TSPAN6: variants seen among roughly 807,000 people sequenced by gnomAD.
The protein encoded by TSPAN6 is tetraspanin 6.
A neutral mutation model predicts 18.0 loss-of-function variants in TSPAN6; 13 were observed. That is an observed-to-expected ratio of 0.72 (90% CI 0.47 to 1.15). TSPAN6 has a LOEUF of 1.15. Ranked by LOEUF, TSPAN6 falls within the 50% of genes most tolerant of loss-of-function variation. The probability of loss-of-function intolerance (pLI) is 0.00; values close to 1 mark genes in which losing one functional copy is unlikely to be tolerated. For synonymous variants in TSPAN6, 82 were observed against 67.0 expected, an observed-to-expected ratio of 1.22 and a Z score of -1.09; for missense variants, 186 against 183.9, an observed-to-expected ratio of 1.01 and a Z score of -0.07.
Position 100,627,275 on chromosome X carries a change from G to A in TSPAN6, c.*2751C>T, listed in dbSNP as rs1036954146. Reference sequence around the variant, plus strand: ...CCTTGCAGTGAGCAACCTGGTGCCTGGAAATAAGGCAACCCACATCAATTT... The same window carrying A: ...CCTTGCAGTGAGCAACCTGGTGCCTAGAAATAAGGCAACCCACATCAATTT... On this transcript the variant is annotated 3_prime_UTR_variant, in exon 8 of 8. Coordinates refer to ENST00000373020, the MANE Select transcript of TSPAN6 (RefSeq NM_003270.4). The A allele has an allele frequency of 8.9e-6, 1 of 111,804 alleles. No homozygotes were observed. The highest frequency in any genetic ancestry group is 1.9e-5 in the Non-Finnish European group (1 of 53,170). 9.2% of individuals were successfully genotyped at this position (111,804 alleles called of 1,213,427 possible).
At position 100,635,710 on chromosome X, in the gene TSPAN6, C is replaced by G. The variant is rs765168830; in HGVS notation, c.124G>C (p.Gly42Arg). ...GVILLAVGIW[G>R]KVSLENYFSL... is the part of the protein sequence containing the mutation. ...AAGTAATTCTCCAGGCTCACCTTGC[C>G]CCAAATGCCAACTGCAAGAAGGATA... Residue 42 changes from glycine to arginine, a missense_variant, in exon 2 of 8, where the codon GGC becomes CGC. Transcript: ENST00000373020. 4 of 1,182,495 alleles carry G rather than the reference C, an allele frequency of 3.4e-6. No individual in the cohort carries two copies. The South Asian group carries it at 7.6e-5, about 23-fold the overall frequency.
At chrX:100,636,830 A>C, upstream of TSPAN6, 2 of 672,412 alleles carry the variant, frequency 3.0e-6, no homozygotes, top group Non-Finnish European at 2.1e-6. Context: ...AACACTGTAC[A>C]ATTTTGTAGA....
Position 100,636,704 on chromosome X carries a change from G to C in TSPAN6, c.-10C>G. 1.7e-6 allele frequency: 2 copies of C among 1,197,683 alleles called. No individual in the cohort carries two copies. Among genetic ancestry groups the C allele is most frequent in the Non-Finnish European group, 1.1e-6 (1 of 888,572 alleles). ...GAGACGGGGACGCCATGACTAGCCC[G>C]AGACCCTGCACCACCGCACCGGGCG... On this transcript the variant is annotated 5_prime_UTR_variant, in exon 1 of 8. Coordinates refer to ENST00000373020, the MANE Select transcript of TSPAN6 (RefSeq NM_003270.4).
In TSPAN6 at chrX:100,635,541, T is replaced by A; in HGVS notation, c.276+17A>T. The A allele has an allele frequency of 8.6e-7, 1 of 1,156,461 alleles. No homozygotes were observed. Among genetic ancestry groups the A allele is most frequent in the Non-Finnish European group, 1.2e-6 (1 of 865,588 alleles). Reference sequence around the variant, plus strand: ...TTCTAAAACCAAGAATCAATTCTAATGAAAACAAGGACTCACCAGTTTTAG... The same window carrying A: ...TTCTAAAACCAAGAATCAATTCTAAAGAAAACAAGGACTCACCAGTTTTAG... On this transcript the variant is annotated intron_variant, in intron 2 of 7. Coordinates refer to ENST00000373020, the MANE Select transcript of TSPAN6 (RefSeq NM_003270.4).
chrX:100,630,035 A>C (rs2083048395), intron 7 of TSPAN6, 49 bp from the exon 8 acceptor site: 4 of 689,939 alleles, frequency 5.8e-6, no homozygotes, highest in Non-Finnish European at 6.9e-6. Flanking sequence ...AAATTTCAAC[A>C]TCTGTATTTG....
intron 5 of TSPAN6, 36 bp from the exon 6 acceptor site, chrX:100,632,604 A>G: frequency 1.0e-6 from 1 of 975,969 alleles, no homozygotes; most frequent in Non-Finnish European, 1.4e-6. Context: ...TAAATACAGC[A>G]CAAGCAGCCT....
intron 5 of TSPAN6, among the ~76,000 whole-genome samples, chrX:100,633,040 C>T (rs2083070607): frequency 8.9e-6 from 1 of 112,213 alleles, no homozygotes; most frequent in Non-Finnish European, 1.9e-5. Flanking sequence ...AAAAACTGGC[C>T]AGGTGCAGTG....
chrX:100,635,127 A>C (rs1203954271), intron 3 of TSPAN6, 51 bp downstream of exon 3: 26 of 969,210 alleles, frequency 2.7e-5, no homozygotes, highest in Non-Finnish European at 3.6e-5. Context: ...ATCCATTTTT[A>C]TCTCTCAGAG....
chrX:100,632,533 T>C lies in TSPAN6; in HGVS notation c.621A>G (p.Ser207=). ...AAATTCCTGCAACGACTCCCATTTCTGACTCTATAATGGTCATCACCTTTA... is the reference window on the plus strand; with the variant it reads ...AAATTCCTGCAACGACTCCCATTTCCGACTCTATAATGGTCATCACCTTTA... ...CFIKVMTIIE[S]EMGVVAGISF... The change falls in exon 6 of 8, where the codon TCA becomes TCG. Residue 207 remains serine (S), a synonymous_variant. Transcript: ENST00000373020. The C allele has an allele frequency of 8.3e-7, 1 of 1,209,777 alleles. No homozygotes were observed. Among genetic ancestry groups the C allele is most frequent in the South Asian group, 1.8e-5 (1 of 56,632 alleles).
Position 100,636,364 on chromosome X carries a change from G to C in TSPAN6, c.87+244C>G, listed in dbSNP as rs969493229. 4 of 955,970 alleles carry C rather than the reference G, an allele frequency of 4.2e-6. No homozygotes were observed. In the African/African-American group the frequency reaches 8.1e-5, roughly 19 times the overall value. The allele number at this position is 955,970 out of a possible 1,213,427, so 78.8% of individuals were successfully genotyped here. A position where few individuals can be genotyped will look rare whatever the true frequency, so the allele number is the denominator to read the frequency against. On this transcript the variant is annotated intron_variant, in intron 1 of 7. Transcript: ENST00000373020. ...CCTCCCGTATCGAACTCGAACGCTG[G>C]TACGTCTGGGTCCCAGCTCAGCCTC...
rs2083085118 is a variant in TSPAN6, at chrX:100,635,051, T to C, written c.351+127A>G. 1.0e-5 allele frequency: 5 copies of C among 480,314 alleles called. No individual in the cohort carries two copies. In the South Asian group the frequency reaches 2.7e-4, roughly 26 times the overall value. 39.6% of individuals were successfully genotyped at this position (480,314 alleles called of 1,213,427 possible). On this transcript the variant is annotated intron_variant, in intron 3 of 7. Coordinates refer to ENST00000373020, the MANE Select transcript of TSPAN6 (RefSeq NM_003270.4). ...TAAATTAGAAGTGGACCAGAATTTT[T>C]ACAAGAAGGCCATTATTGTCAGCTA...
At position 100,636,792 on chromosome X, in the gene TSPAN6, C is replaced by G; in HGVS notation, c.-98G>C. On this transcript the variant is annotated 5_prime_UTR_variant, in exon 1 of 8. Transcript: ENST00000373020. ...CTCCCCGGAAACTGCCGAAAACTTA[C>G]GAGCGTCCACAACTGAGAAGGGCCG... is the stretch of plus-strand genomic sequence containing the variant. The G allele has an allele frequency of 1.1e-6, 1 of 937,752 alleles. No homozygotes were observed. The highest frequency in any genetic ancestry group is 1.4e-6 in the Non-Finnish European group (1 of 698,450). 77.3% of individuals were successfully genotyped at this position (937,752 alleles called of 1,213,427 possible).
In TSPAN6 at chrX:100,633,991, C is replaced by G; in HGVS notation, c.390G>C (p.Leu130Phe). Reference sequence around the variant, plus strand: ...AATCTCCTGTAGAGTTATACTGCTTCAAAGCCTTCTCATAATTATTCTTAA... The same window carrying G: ...AATCTCCTGTAGAGTTATACTGCTTGAAAGCCTTCTCATAATTATTCTTAA... ...NSFKNNYEKA[L>F]KQYNSTGDYR... Residue 130 changes from leucine (L) to phenylalanine (F), a missense_variant, in exon 4 of 8, where the codon TTG (leucine) becomes TTC (phenylalanine). Transcript: ENST00000373020. 1 of 1,200,860 alleles carries G rather than the reference C, an allele frequency of 8.3e-7. No homozygotes were observed. Among genetic ancestry groups the G allele is most frequent in the Non-Finnish European group, 1.1e-6 (1 of 887,516 alleles).
chrX:100,627,697 C>T lies in TSPAN6; in HGVS notation c.*2329G>A, dbSNP rs1474866463. On this transcript the variant is annotated 3_prime_UTR_variant, in exon 8 of 8. Coordinates refer to ENST00000373020, the MANE Select transcript of TSPAN6 (RefSeq NM_003270.4). The stretch of plus-strand genomic sequence containing the variant: ...TTCTAACTGGCTATCCAAAATAAAC[C>T]CATCTTAAAAATAAACAAACCAATC... The T allele has an allele frequency of 8.9e-6, 1 of 112,174 alleles. No homozygotes were observed. The highest frequency in any genetic ancestry group is 3.2e-5 in the African/African-American group (1 of 30,918). 9.2% of individuals were successfully genotyped at this position (112,174 alleles called of 1,213,427 possible).
At position 100,633,816 on chromosome X, in the gene TSPAN6, G is replaced by A. The variant is rs1043738979; in HGVS notation, c.450+115C>T. The A allele has an allele frequency of 1.6e-5, 9 of 554,437 alleles. No individual in the cohort carries two copies. In the Admixed American group the frequency reaches 2.2e-4, roughly 13 times the overall value. The allele number at this position is 554,437 out of a possible 1,213,427, so 45.7% of individuals were successfully genotyped here. ...GAACAGGTGCACATGTGAGGAAAAT[G>A]AAACACGTCACACTTCTTTCCCCTA... On this transcript the variant is annotated intron_variant, in intron 4 of 7. Coordinates refer to ENST00000373020, the MANE Select transcript of TSPAN6 (RefSeq NM_003270.4).
chrX:100,628,223 CTTT>C lies in TSPAN6; in HGVS notation c.*1800_*1802del, dbSNP rs1476727755. ...CTGATAATCCTTTAAATATTTGCTT[CTTT>C]AATCTCAGTAGCCAAAAATCTGATT... On this transcript the variant is annotated 3_prime_UTR_variant, in exon 8 of 8. Coordinates refer to ENST00000373020, the MANE Select transcript of TSPAN6 (RefSeq NM_003270.4). 8.9e-6 allele frequency: 1 copy of C among 112,154 alleles called. No homozygotes were observed. The highest frequency in any genetic ancestry group is 3.2e-5 in the African/African-American group (1 of 30,917). 9.2% of individuals were successfully genotyped at this position (112,154 alleles called of 1,213,427 possible). A position where few individuals can be genotyped will look rare whatever the true frequency, so the allele number is the denominator to read the frequency against.
Position 100,635,234 on chromosome X carries a change from G to C in TSPAN6, c.295C>G (p.Leu99Val). 3 of 1,195,902 alleles carry C rather than the reference G, an allele frequency of 2.5e-6. No homozygotes were observed. Among genetic ancestry groups the C allele is most frequent in the Non-Finnish European group, 3.4e-6 (3 of 885,921 alleles). Residue 99 changes from leucine to valine, a missense_variant, in exon 3 of 8, where the codon CTC (leucine) becomes GTC (valine). Transcript: ENST00000373020. ...MLKLYAMFLTLVFLVELVAAI... is the reference protein window; with the variant it reads ...MLKLYAMFLTVVFLVELVAAI... ...GCGACCAGTTCGACCAAAAAAACGA[G>C]AGTCAGAAACATTGCATACTGCAGG...
chrX:100,636,556 A>C (rs771639149), intron 1 of TSPAN6, 52 bp downstream of exon 1: 7 of 1,155,503 alleles, frequency 6.1e-6, no homozygotes, highest in Non-Finnish European at 8.1e-6. Flanking sequence ...CACACCCCCC[A>C]CAACTAAAAG....
At chrX:100,630,060 A>C in intron 7 of TSPAN6, 74 bp from the exon 8 acceptor site, 1 of 604,934 alleles carries the variant, frequency 1.7e-6, no homozygotes, top group Non-Finnish European at 2.0e-6. Flanking sequence ...CATACATTCT[A>C]ATCTATTCCT....
Sources: allele counts gnomAD v4.1 joint callset (sites outside exome capture counted in the v4.1 genomes callset), GRCh38; gene constraint gnomAD v4.1.1; transcripts MANE v1.5; gene names NCBI Gene and HGNC (gene_info 2026-07-23, HGNC 2026-07-21).